RSPH14: variants seen among roughly 807,000 people sequenced by gnomAD.
The protein encoded by RSPH14 is rhabdoid tumor deletion region gene 1.
A neutral mutation model predicts 26.7 loss-of-function variants in RSPH14; 20 were observed. The ratio of observed to expected loss-of-function variants is 0.75; its 90% CI spans 0.53 to 1.09. The LOEUF is 1.09. Among genes scored for constraint, RSPH14 ranks in the 50% least tolerant of loss-of-function variants. RSPH14 has a pLI of 0.00. For synonymous variants in RSPH14, 177 were observed against 189.3 expected, an observed-to-expected ratio of 0.93 and a Z score of 0.53; for missense variants, 449 against 457.2, an observed-to-expected ratio of 0.98 and a Z score of 0.16.
Position 23,059,418 on chromosome 22 carries a change from A to G in RSPH14, c.*44T>C. On this transcript the variant is annotated 3_prime_UTR_variant, in exon 7 of 7. Transcript: ENST00000216036. ...AAAGTGCCATTCGGACCCGAGATAA[A>G]GAGACTTAGCACATTTATTCACTCA... 6.6e-7 allele frequency: 1 copy of G among 1,524,696 alleles called. No homozygotes were observed. The highest frequency in any genetic ancestry group is 8.8e-7 in the Non-Finnish European group (1 of 1,131,496). The allele number at this position is 1,524,696 out of a possible 1,614,324, so 94.4% of individuals were successfully genotyped here. A position where few individuals can be genotyped will look rare whatever the true frequency, so the allele number is the denominator to read the frequency against.
chr22:23,120,903 A>C (rs554660524), intron 4 of RSPH14, among the ~76,000 whole-genome samples: 1 of 152,222 alleles, frequency 6.6e-6, no homozygotes, highest in African/African-American at 2.4e-5. Flanking sequence ...CATATCTGTT[A>C]TTTAACTGAT....
At chr22:23,073,723 AC>A (rs1335103099) in intron 4 of RSPH14, among the ~76,000 whole-genome samples, 4 of 152,150 alleles carry the variant, frequency 2.6e-5, no homozygotes, top group African/African-American at 9.7e-5. Flanking sequence ...GAGGAGCAGA[AC>A]CTCACGCGAT....
upstream of RSPH14, chr22:23,145,500 T>G (rs1390014047): frequency 6.2e-7 from 1 of 1,607,128 alleles, no homozygotes; most frequent in Non-Finnish European, 8.5e-7. Flanking sequence ...TCGCCGCCGC[T>G]GGCTCAGGCG....
At chr22:23,165,648 GTAT>G in the RSPH14 span, among the ~76,000 whole-genome samples, 1 of 152,222 alleles carries the variant, frequency 6.6e-6, no homozygotes, top group Non-Finnish European at 1.5e-5. Flanking sequence ...CAACAAGCAT[GTAT>G]TATTTCTCAT....
the RSPH14 span, among the ~76,000 whole-genome samples, chr22:23,175,222 T>A: frequency 1.3e-5 from 2 of 152,152 alleles, no homozygotes; most frequent in African/African-American, 2.4e-5. Context: ...ATGGTCTCGA[T>A]ATCCTGACCT....
chr22:23,097,285 T>C (rs760787482), intron 4 of RSPH14, among the ~76,000 whole-genome samples: 8 of 152,210 alleles, frequency 5.3e-5, no homozygotes, highest in Non-Finnish European at 1.2e-4. Context: ...AGCACTGGCC[T>C]CCGAGGTCAC....
At chr22:23,128,014 C>T (rs1446482477) in intron 4 of RSPH14, among the ~76,000 whole-genome samples, 3 of 152,148 alleles carry the variant, frequency 2.0e-5, no homozygotes, top group South Asian at 2.1e-4. Context: ...TCAGAACAGG[C>T]CCCATCATGC....
chr22:23,060,097 A>G (rs1040256770), intron 6 of RSPH14, among the ~76,000 whole-genome samples: 7 of 151,906 alleles, frequency 4.6e-5, no homozygotes, highest in Admixed American at 4.6e-4. Flanking sequence ...GAGGATCACT[A>G]GAGCCTGGGA....
At chr22:23,127,438 G>A (rs1281514401) in intron 4 of RSPH14, among the ~76,000 whole-genome samples, 3 of 152,326 alleles carry the variant, frequency 2.0e-5, no homozygotes, top group Admixed American at 6.5e-5. Context: ...TGCCCTGAGG[G>A]CAGGCAAGAC....
chr22:23,152,723 C>T, the RSPH14 span, among the ~76,000 whole-genome samples: 22 of 152,190 alleles, frequency 1.4e-4, no homozygotes, highest in African/African-American at 2.9e-4. Context: ...GAAATTGTGG[C>T]GTCCCAGGAG....
chr22:23,089,733 T>C (rs2068913145), intron 4 of RSPH14, among the ~76,000 whole-genome samples: 1 of 152,096 alleles, frequency 6.6e-6, no homozygotes, highest in Non-Finnish European at 1.5e-5. Flanking sequence ...GGCTGAAGGA[T>C]CTGTCCCGAA....
chr22:23,062,310 A>G (rs2068114403), intron 5 of RSPH14, among the ~76,000 whole-genome samples: 1 of 152,202 alleles, frequency 6.6e-6, no homozygotes, highest in Non-Finnish European at 1.5e-5. Flanking sequence ...GCTGACAGTG[A>G]TGGGCCAAGC....
chr22:23,141,910 C>T, intron 1 of RSPH14, 39 bp downstream of exon 1: 2 of 917,022 alleles, frequency 2.2e-6, no homozygotes, highest in Non-Finnish European at 2.6e-6. Context: ...CACTGGGCCC[C>T]CCTGTCCCCG....
At chr22:23,141,768 A>C (rs944957633) in intron 1 of RSPH14, among the ~76,000 whole-genome samples, 181 bp downstream of exon 1, 3 of 152,236 alleles carry the variant, frequency 2.0e-5, no homozygotes, top group African/African-American at 7.2e-5. Flanking sequence ...CTCCCCTCAC[A>C]GGAACGGTGG....
upstream of RSPH14, among the ~76,000 whole-genome samples, chr22:23,147,858 G>A (rs1022126248): frequency 5.9e-5 from 9 of 152,236 alleles, no homozygotes; most frequent in East Asian, 3.8e-4. Context: ...AAAGTAAACC[G>A]TTAAGTAAAA....
intron 4 of RSPH14, chr22:23,124,387 GTC>G (rs545482558): frequency 2.1e-6 from 1 of 469,282 alleles, no homozygotes; most frequent in Non-Finnish European, 4.4e-6. Context: ...TGGACGATCT[GTC>G]TCTCTGCTCC....
chr22:23,150,207 CA>C, the RSPH14 span: 2 of 1,376,310 alleles, frequency 1.5e-6, 1 homozygote, highest in Non-Finnish European at 2.0e-6. Context: ...GGAATGAGTG[CA>C]TGAAGCACGT....
At chr22:23,170,093 TAAA>T in the RSPH14 span, among the ~76,000 whole-genome samples, 2 of 137,010 alleles carry the variant, frequency 1.5e-5, no homozygotes, top group Admixed American at 7.4e-5. Context: ...CAAGACCCTT[TAAA>T]AAAAAAAAAA....
chr22:23,079,718 G>A (rs2068620614), intron 4 of RSPH14, among the ~76,000 whole-genome samples: 1 of 152,196 alleles, frequency 6.6e-6, no homozygotes, highest in Non-Finnish European at 1.5e-5. Flanking sequence ...ATGAGAGGCT[G>A]GGGCTGGCTA....
Sources: allele counts gnomAD v4.1 joint callset (sites outside exome capture counted in the v4.1 genomes callset), GRCh38; gene constraint gnomAD v4.1.1; transcripts MANE v1.5; gene names NCBI Gene and HGNC (gene_info 2026-07-23, HGNC 2026-07-21).